The following PRRC2B variants were observed in gnomAD, a reference collection of about 807,000 sequenced individuals.
PRRC2B encodes the protein proline rich coiled-coil 2B.
In PRRC2B, 68 loss-of-function variants were observed where a neutral mutation model predicts 242.3. That is an observed-to-expected ratio of 0.28 (90% confidence interval 0.23 to 0.34). PRRC2B has a LOEUF of 0.34. PRRC2B is among the 10% of genes least tolerant of loss of function. The pLI, the probability that PRRC2B is intolerant of heterozygous loss-of-function variation, is 1.00. For synonymous variants in PRRC2B, 1,228 were observed against 1,173.6 expected (o/e 1.05, Z -0.95); for missense variants, 2,835 against 2,954.8 (o/e 0.96, Z 0.94).
chr9:131,464,053 T>C (rs1943321785), intron 11 of PRRC2B, among the ~76,000 whole-genome samples: 1 of 152,044 alleles, frequency 6.6e-6, no homozygotes, highest in African/African-American at 2.4e-5. Context: ...GCGATTCTCC[T>C]GCCTCAGTTT....
At chr9:131,429,167 G>A (rs1318193013) in intron 1 of PRRC2B, among the ~76,000 whole-genome samples, 1 of 151,974 alleles carries the variant, frequency 6.6e-6, no homozygotes, top group East Asian at 1.9e-4. Context: ...GGCAGGTCTC[G>A]AACTCCTGAC....
chr9:131,394,060 G>A (rs1035141260), upstream of PRRC2B: 6 of 149,992 alleles, frequency 4.0e-5, no homozygotes, highest in African/African-American at 1.5e-4. Context: ...GGGGGGCGGG[G>A]AGCCGAGCGC....
chr9:131,459,583 G>A (rs936564488), intron 11 of PRRC2B, among the ~76,000 whole-genome samples: 12 of 152,012 alleles, frequency 7.9e-5, no homozygotes, highest in African/African-American at 2.7e-4. Flanking sequence ...ACCATGCCCG[G>A]CTGTTCTTAC....
chr9:131,399,075 A>G (rs1406382193), intron 1 of PRRC2B, among the ~76,000 whole-genome samples: 1 of 151,658 alleles, frequency 6.6e-6, no homozygotes, highest in Non-Finnish European at 1.5e-5. Context: ...CAGGAATTCA[A>G]GACCAGCCTG....
chr9:131,440,650 A>C (rs1020490317), intron 5 of PRRC2B, among the ~76,000 whole-genome samples: 1 of 152,242 alleles, frequency 6.6e-6, no homozygotes, highest in Non-Finnish European at 1.5e-5. Context: ...TTATAATAGC[A>C]AAAGATTGCA....
rs1308572404 is a variant in PRRC2B, at chr9:131,446,092, C to T, written c.614-309C>T. Among the ~76,000 whole-genome samples the T allele has an allele frequency of 6.6e-6, 1 of 151,976 alleles. No homozygotes were observed. The highest frequency in any genetic ancestry group is 2.4e-5 in the African/African-American group (1 of 41,354). On this transcript the variant is annotated intron_variant, in intron 6 of 31. Transcript: ENST00000683519. The surrounding 1 kb of genome is among the most constrained non-coding windows in gnomAD (Gnocchi z 4.1). ...GACCCAAGGCTGGTTTCATCAGGGC[C>T]ATCTTCATCTCTCTGGGTTGTGAGA... is the stretch of plus-strand genomic sequence containing the variant.
chr9:131,494,545 C>A lies in PRRC2B; in HGVS notation c.6555+59C>A. On this transcript the variant is annotated intron_variant, in intron 31 of 31. Transcript: ENST00000683519. The surrounding 1 kb of genome is among the most constrained non-coding windows in gnomAD (Gnocchi z 4.3). Reference sequence around the variant, plus strand: ...GACACTTAGGCCCGTCTCCAAGCGCCAAAAGAGAAGGGACTGTCCAACCTA... The same window carrying A: ...GACACTTAGGCCCGTCTCCAAGCGCAAAAAGAGAAGGGACTGTCCAACCTA... 2.1e-6 allele frequency: 2 copies of A among 954,066 alleles called. No individual in the cohort carries two copies. Among genetic ancestry groups the A allele is most frequent in the East Asian group, 2.7e-5 (1 of 37,446 alleles). The allele number at this position is 954,066 out of a possible 1,614,324, so 59.1% of individuals were successfully genotyped here.
chr9:131,381,114 A>C (rs1481928243), intron 1 of PRRC2B, among the ~76,000 whole-genome samples: 1 of 151,708 alleles, frequency 6.6e-6, no homozygotes, highest in Non-Finnish European at 1.5e-5. Flanking sequence ...CCTTCATCCT[A>C]CCCTTATCCT....
intron 1 of PRRC2B, among the ~76,000 whole-genome samples, chr9:131,428,964 G>GT (rs1036453720): frequency 4.3e-4 from 65 of 151,824 alleles, no homozygotes; most frequent in Middle Eastern, 3.4e-3. Flanking sequence ...TTTTTGTTGT[G>GT]TTTTTTTTTA....
intron 10 of PRRC2B, among the ~76,000 whole-genome samples, chr9:131,456,418 T>C (rs1588262319): frequency 6.6e-6 from 1 of 151,692 alleles, no homozygotes; most frequent in Non-Finnish European, 1.5e-5. Context: ...GATCACGAGG[T>C]CAGGAGATCG....
rs1233720851 is a variant in PRRC2B, at chr9:131,487,533, T to A, written c.5984+239T>A. On this transcript the variant is annotated intron_variant, in intron 27 of 31. Coordinates refer to ENST00000683519, the MANE Select transcript of PRRC2B (RefSeq NM_013318.4). The surrounding 1 kb of genome is among the most constrained non-coding windows in gnomAD (Gnocchi z 5.3). ...TGCTTTTCCATGTCATCTTGCCTCC[T>A]TTCCTTGCTCCTTCCTCCTCCTCTC... 6.6e-6 allele frequency among the ~76,000 whole-genome samples: 1 copy of A among 152,220 alleles called. No individual in the cohort carries two copies. The highest frequency in any genetic ancestry group is 1.5e-5 in the Non-Finnish European group (1 of 68,034).
Position 131,475,892 on chromosome 9 carries a change from T to C in PRRC2B, c.3763T>C (p.Tyr1255His). ...ATCCCGGCGACCTACAGACAGAGAC[T>C]ATGTCCCAGATTCCTACAGACACCC... Reference protein sequence around the residue: ...CGSRRPTDRDYVPDSYRHPDA... With the variant: ...CGSRRPTDRDHVPDSYRHPDA... The change falls in exon 16 of 32, where the codon TAT becomes CAT. Residue 1255 changes from tyrosine (Y) to histidine (H), a missense_variant. This residue lies in a region of PRRC2B where 1,536 missense variants were observed against 1,483.1 expected (regional missense o/e 1.04). Transcript: ENST00000683519. 6.2e-7 allele frequency: 1 copy of C among 1,613,778 alleles called. No homozygotes were observed. The highest frequency in any genetic ancestry group is 8.5e-7 in the Non-Finnish European group (1 of 1,179,814).
intron 4 of PRRC2B, among the ~76,000 whole-genome samples, chr9:131,438,086 T>G (rs772763793): frequency 6.6e-5 from 10 of 152,194 alleles, no homozygotes; most frequent in Non-Finnish European, 1.2e-4. Context: ...GAGGGGCAGG[T>G]AAGAAGAAGT....
At chr9:131,426,803 G>A (rs570568028) in intron 1 of PRRC2B, among the ~76,000 whole-genome samples, 1 of 152,186 alleles carries the variant, frequency 6.6e-6, no homozygotes, top group South Asian at 2.1e-4. Context: ...ACGCCCTCTA[G>A]TACATTCAGC....
At chr9:131,467,972 G>T (rs1283809752) in intron 13 of PRRC2B, among the ~76,000 whole-genome samples, 3 of 152,176 alleles carry the variant, frequency 2.0e-5, no homozygotes, top group South Asian at 2.1e-4. Flanking sequence ...AGTGGTGGAG[G>T]TCCCTGGGAA....
At chr9:131,392,844 T>TG (rs1836925037), upstream of PRRC2B, among the ~76,000 whole-genome samples, 3 of 148,848 alleles carry the variant, frequency 2.0e-5, no homozygotes, top group Admixed American at 1.4e-4. Context: ...ATCTAGGAGT[T>TG]GGAGGTTGCA....
chr9:131,448,121 A>G, intron 9 of PRRC2B: 1 of 234,952 alleles, frequency 4.3e-6, no homozygotes, highest in Admixed American at 5.2e-5. Context: ...ACTCAGGTTC[A>G]ATAAGTACCA....
intron 8 of PRRC2B, 133 bp from the exon 9 acceptor site, chr9:131,447,529 C>T: frequency 9.9e-7 from 1 of 1,006,384 alleles, no homozygotes; most frequent in Non-Finnish European, 1.4e-6. Flanking sequence ...TTATATATTT[C>T]TTTTAAAGGA....
In PRRC2B at chr9:131,485,064, C is replaced by G; in HGVS notation, c.5682C>G (p.Val1894=). Residue 1894 remains valine (V), a synonymous_variant, in exon 25 of 32, where the codon GTC becomes GTG. Coordinates refer to ENST00000683519, the MANE Select transcript of PRRC2B (RefSeq NM_013318.4). The stretch of plus-strand genomic sequence containing the variant: ...CCTCTGTGGGTGCCTCCAGCGGGGT[C>G]AACTACAGCTCCTTCGGTGGAGTGT... ...PPSSVGASSG[V]NYSSFGGVSM... is the part of the protein sequence containing the mutation. 10 of 1,609,024 alleles carry G rather than the reference C, an allele frequency of 6.2e-6. No individual in the cohort carries two copies. Among genetic ancestry groups the G allele is most frequent in the Non-Finnish European group, 7.6e-6 (9 of 1,177,644 alleles).
Sources: gnomAD v4.1 joint callset for allele counts (sites outside exome capture counted in the v4.1 genomes callset) on GRCh38, gnomAD v4.1.1 for gene constraint, gnomAD v4.1.1 regional missense constraint, Gnocchi (gnomAD v3.1) non-coding constraint, MANE v1.5 for transcripts, NCBI Gene and HGNC (gene_info 2026-07-23, HGNC 2026-07-21) for gene names.